Variants in DECR1 observed in about 807,000 individuals in gnomAD.
DECR1 encodes 2,4-dienoyl-CoA reductase [(3E)-enoyl-CoA-producing], mitochondrial.
In DECR1, 44 loss-of-function variants were observed where a neutral mutation model predicts 38.8. The observed-to-expected ratio is 1.13, with a 90% CI of 0.89 to 1.46. The LOEUF is 1.46. DECR1 is among the 40% of genes most tolerant of loss of function. DECR1 has a pLI of 0.00. For synonymous variants in DECR1, 148 were observed against 135.2 expected (o/e 1.09, Z -0.66); for missense variants, 428 against 405.5 (o/e 1.06, Z -0.48).
At position 90,051,966 on chromosome 8, in the gene DECR1, T is replaced by G. The variant is rs1181901129; in HGVS notation, c.*69T>G. ...ATGAAACAAATTATCTCTCATCTTT[T>G]GACTATTTCAAGTCTAATAAATTCT... is the stretch of plus-strand genomic sequence containing the variant. On this transcript the variant is annotated 3_prime_UTR_variant, in exon 10 of 10. Coordinates refer to ENST00000220764, the MANE Select transcript of DECR1 (RefSeq NM_001359.2). 5.1e-6 allele frequency: 7 copies of G among 1,367,066 alleles called. No individual in the cohort carries two copies. Among genetic ancestry groups the G allele is most frequent in the Non-Finnish European group, 7.3e-6 (7 of 964,264 alleles). The allele number at this position is 1,367,066 out of a possible 1,614,324, so 84.7% of individuals were successfully genotyped here.
At chr8:90,033,341 A>C (rs1813543274) in intron 5 of DECR1, among the ~76,000 whole-genome samples, 1 of 152,078 alleles carries the variant, frequency 6.6e-6, no homozygotes, top group Non-Finnish European at 1.5e-5. Context: ...TATTTCATTT[A>C]TTGCTTCCCT....
At chr8:90,050,003 T>A (rs1244081663) in intron 8 of DECR1, among the ~76,000 whole-genome samples, 1 of 152,184 alleles carries the variant, frequency 6.6e-6, no homozygotes, top group African/African-American at 2.4e-5. Flanking sequence ...GATGCCTTCC[T>A]TACTCCTTAT....
At chr8:90,013,989 T>C (rs1011257356) in intron 1 of DECR1, among the ~76,000 whole-genome samples, 7 of 152,142 alleles carry the variant, frequency 4.6e-5, no homozygotes, top group African/African-American at 1.7e-4. Flanking sequence ...ATGAGTATGG[T>C]GAGGAAGGTA....
intron 5 of DECR1, among the ~76,000 whole-genome samples, chr8:90,022,646 C>T (rs901723029): frequency 2.6e-5 from 4 of 151,980 alleles, no homozygotes; most frequent in East Asian, 1.9e-4. Context: ...GATTTTCTCT[C>T]GCCCTACCCC....
chr8:90,010,611 C>G (rs1812859180), intron 1 of DECR1, among the ~76,000 whole-genome samples: 1 of 152,182 alleles, frequency 6.6e-6, no homozygotes, highest in South Asian at 2.1e-4. Flanking sequence ...CCAGTGTTTA[C>G]CACGCTGATA....
At chr8:90,045,022 T>G in intron 8 of DECR1, 27 bp downstream of exon 8, 1 of 1,613,398 alleles carries the variant, frequency 6.2e-7, no homozygotes, top group Non-Finnish European at 8.5e-7. Context: ...TCTCTTCACT[T>G]TTTTTTCAGG....
intron 1 of DECR1, among the ~76,000 whole-genome samples, chr8:90,004,662 A>T (rs1332839286): frequency 1.3e-5 from 2 of 152,128 alleles, no homozygotes; most frequent in Admixed American, 6.5e-5. Flanking sequence ...TATTTTTTTT[A>T]AATCTGGAAG....
At chr8:90,033,513 A>T (rs3026282) in intron 5 of DECR1, among the ~76,000 whole-genome samples, 3 of 152,106 alleles carry the variant, frequency 2.0e-5, no homozygotes, top group Non-Finnish European at 1.5e-5. Context: ...AACCCTGGGG[A>T]TCTAGGAATT....
intron 4 of DECR1, 135 bp from the exon 5 acceptor site, chr8:90,020,774 G>A (rs996790845): frequency 6.8e-6 from 4 of 591,714 alleles, no homozygotes; most frequent in South Asian, 7.4e-5. Flanking sequence ...AAATCTCATG[G>A]TATTGTTTCG....
chr8:90,030,105 A>G (rs1335424146), intron 5 of DECR1, among the ~76,000 whole-genome samples: 1 of 152,088 alleles, frequency 6.6e-6, no homozygotes, highest in Non-Finnish European at 1.5e-5. Context: ...ATCATAAGGA[A>G]TGTGCAAGCT....
intron 1 of DECR1, among the ~76,000 whole-genome samples, chr8:90,009,605 T>C (rs1201423957): frequency 1.3e-5 from 2 of 152,160 alleles, no homozygotes; most frequent in African/African-American, 4.8e-5. Flanking sequence ...ATAAACTCTA[T>C]ATCCATCATA....
At position 90,020,909 on chromosome 8, in the gene DECR1, A is replaced by G. The variant is rs759924542; in HGVS notation, c.418A>G (p.Ile140Val). ...GTAACTTGCCTTGTTCATTTATTAG[A>G]TTGTGATAAACAATGCAGCAGGGAA... is the stretch of plus-strand genomic sequence containing the variant. ...ELIKVAGHPNIVINNAAGNFI... is the reference protein window; with the variant it reads ...ELIKVAGHPNVVINNAAGNFI... The change falls in exon 5 of 10, where the codon ATT becomes GTT. Residue 140 changes from isoleucine (I) to valine (V), a missense_variant and splice_region_variant. Physicochemically the swap from Ile to Val is conservative, Grantham distance 29. Transcript: ENST00000220764. 9.3e-5 allele frequency: 143 copies of G among 1,541,082 alleles called. No individual in the cohort carries two copies. The highest frequency in any genetic ancestry group is 1.2e-4 in the Non-Finnish European group (139 of 1,151,526).
At position 90,017,180 on chromosome 8, in the gene DECR1, AT is replaced by A; in HGVS notation, c.128del (p.Phe43SerfsTer33). The A allele has an allele frequency of 6.2e-7, 1 of 1,614,196 alleles. No homozygotes were observed. Among genetic ancestry groups the A allele is most frequent in the South Asian group, 1.1e-5 (1 of 91,082 alleles). On this transcript the variant is annotated frameshift_variant, in exon 2 of 10. Coordinates refer to ENST00000220764, the MANE Select transcript of DECR1 (RefSeq NM_001359.2). LOFTEE classifies it high-confidence loss of function. The part of the protein sequence containing the change: ...YQNTEALQSK[F>X]FSPLQKAMLP... ...AAAACACTGAAGCTTTGCAATCTAA[AT>A]TCTTTTCACCTCTTCAAAAAGCGAT... is the stretch of plus-strand genomic sequence containing the variant.
intron 8 of DECR1, 115 bp from the exon 9 acceptor site, chr8:90,051,562 C>A: frequency 1.4e-6 from 1 of 737,696 alleles, no homozygotes; most frequent in Non-Finnish European, 2.2e-6. Context: ...AAAATTTGGG[C>A]TTGATTTAAA....
intron 1 of DECR1, among the ~76,000 whole-genome samples, chr8:90,007,160 G>A (rs879506091): frequency 8.5e-5 from 13 of 152,126 alleles, no homozygotes; most frequent in Non-Finnish European, 1.6e-4. Context: ...AGGAAAGTAG[G>A]AAAGAGTTCA....
At chr8:90,042,468 G>A (rs1813785028) in intron 6 of DECR1, 3 of 466,180 alleles carry the variant, frequency 6.4e-6, no homozygotes, top group Non-Finnish European at 1.2e-5. Context: ...TAAAGGTTAG[G>A]TTGTACAGTA....
intron 1 of DECR1, among the ~76,000 whole-genome samples, chr8:90,011,312 GT>G (rs1161567719): frequency 2.0e-5 from 3 of 152,120 alleles, no homozygotes; most frequent in Admixed American, 6.5e-5. Flanking sequence ...CCATATAACT[GT>G]ATTTTGTAAT....
Position 90,018,054 on chromosome 8 carries a change from T to G in DECR1, c.272+728T>G, listed in dbSNP as rs553591946. On this transcript the variant is annotated intron_variant, in intron 2 of 9. Transcript: ENST00000220764. ...GGCGCCTGCCACCACACCTGGCTAATTTTTTGTATTTTTAGTAGAGACTGG... is the reference window on the plus strand; with the variant it reads ...GGCGCCTGCCACCACACCTGGCTAAGTTTTTGTATTTTTAGTAGAGACTGG... Among the ~76,000 whole-genome samples, 20 of 152,206 alleles carry G rather than the reference T, an allele frequency of 1.3e-4. No individual in the cohort carries two copies. In the South Asian group the frequency reaches 3.5e-3, roughly 27 times the overall value.
At chr8:90,021,813 A>G (rs1813171093) in intron 5 of DECR1, among the ~76,000 whole-genome samples, 1 of 152,208 alleles carries the variant, frequency 6.6e-6, no homozygotes, top group Admixed American at 6.5e-5. Context: ...TACCAATGAG[A>G]TTAAGAACAC....
Sources: allele counts gnomAD v4.1 joint callset (sites outside exome capture counted in the v4.1 genomes callset), GRCh38; gene constraint gnomAD v4.1.1; transcripts MANE v1.5; gene names NCBI Gene and HGNC (gene_info 2026-07-23, HGNC 2026-07-21).